CPNE3: variants seen among roughly 807,000 people sequenced by gnomAD.
The protein encoded by CPNE3 is copine-3.
CPNE3 carries 68 observed loss-of-function variants against 63.9 expected under a neutral mutation model. The observed-to-expected ratio is 1.06, with a 90% confidence interval of 0.87 to 1.30. CPNE3 has a LOEUF of 1.30. Among genes scored for constraint, CPNE3 ranks in the 50% most tolerant of loss-of-function variants. The probability of loss-of-function intolerance (pLI) is 0.00; values close to 1 mark genes in which losing one functional copy is unlikely to be tolerated. For missense variants in CPNE3, 665 were observed against 578.1 expected (o/e 1.15, Z -1.54); for synonymous variants, 219 against 197.5 (o/e 1.11, Z -0.91).
At position 86,528,576 on chromosome 8, in the gene CPNE3, C is replaced by T. The variant is rs1820591641; in HGVS notation, c.31C>T (p.Leu11=). Residue 11 remains leucine, a synonymous_variant, in exon 3 of 17, where the codon CTG becomes TTG. Transcript: ENST00000517490. MAAQCVTKVA[L]NVSCANLLDK... ...TGCCCAGTGTGTCACAAAGGTGGCG[C>T]TGAATGTTTCCTGTGCCAATCTTTT... The T allele has an allele frequency of 6.2e-7, 1 of 1,614,032 alleles. No homozygotes were observed. The highest frequency in any genetic ancestry group is 8.5e-7 in the Non-Finnish European group (1 of 1,179,982).
intron 7 of CPNE3, among the ~76,000 whole-genome samples, chr8:86,538,293 T>G (rs977314905): frequency 2.6e-5 from 4 of 152,138 alleles, no homozygotes; most frequent in African/African-American, 9.7e-5. Flanking sequence ...AAGAATTGCT[T>G]GAACCCAGGA....
chr8:86,515,248 A>C (rs976561399), intron 1 of CPNE3: 2 of 152,194 alleles, frequency 1.3e-5, no homozygotes, highest in African/African-American at 4.8e-5. Context: ...TTTATGTTGC[A>C]CTTAATGATC....
chr8:86,551,154 C>G (rs1299986568), intron 13 of CPNE3, 29 bp from the exon 14 acceptor site: 1 of 1,613,606 alleles, frequency 6.2e-7, no homozygotes, highest in South Asian at 1.1e-5. Flanking sequence ...CAGCCCAGCC[C>G]TCATCAGTCC....
chr8:86,554,933 A>C lies in CPNE3; in HGVS notation c.1203A>C (p.Ile401=). The change falls in exon 15 of 17, where the codon ATA becomes ATC. Residue 401 remains isoleucine, a synonymous_variant. Transcript: ENST00000517490. ...LYGPTNFSPI[I]NHVARFAAAA... The stretch of plus-strand genomic sequence containing the variant: ...GACCAACTAATTTTTCTCCAATCAT[A>C]AATCACGTGGCCAGGTTTGCTGCTG... 6.2e-7 allele frequency: 1 copy of C among 1,614,162 alleles called. No individual in the cohort carries two copies. The highest frequency in any genetic ancestry group is 1.1e-5 in the South Asian group (1 of 91,088).
In CPNE3 at chr8:86,532,586, T is replaced by G; in HGVS notation, c.459+6T>G. On this transcript the variant is annotated splice_donor_region_variant and intron_variant, in intron 6 of 16. Coordinates refer to ENST00000517490, the MANE Select transcript of CPNE3 (RefSeq NM_003909.5). ...CCAGAAAACTGGATAATAAGGTGGG[T>G]AGACTATGCAGATTTCAAAAAGGTT... The G allele has an allele frequency of 6.2e-7, 1 of 1,607,622 alleles. No individual in the cohort carries two copies. Among genetic ancestry groups the G allele is most frequent in the Non-Finnish European group, 8.5e-7 (1 of 1,177,484 alleles).
At chr8:86,551,146 G>A (rs767150752) in intron 13 of CPNE3, 37 bp from the exon 14 acceptor site, 1 of 1,613,528 alleles carries the variant, frequency 6.2e-7, no homozygotes, top group Non-Finnish European at 8.5e-7. Flanking sequence ...TAGAAAAGCA[G>A]CCCAGCCCTC....
intron 2 of CPNE3, among the ~76,000 whole-genome samples, chr8:86,523,589 GT>G (rs1458379401): frequency 6.6e-6 from 1 of 152,086 alleles, no homozygotes; most frequent in East Asian, 1.9e-4. Flanking sequence ...TGAAGTGTTT[GT>G]TTTGTTTTGT....
At chr8:86,530,003 A>C (rs1820634592) in intron 4 of CPNE3, among the ~76,000 whole-genome samples, 1 of 152,118 alleles carries the variant, frequency 6.6e-6, no homozygotes, top group African/African-American at 2.4e-5. Context: ...TTTGGGGAAA[A>C]AAATCCCAGT....
Position 86,528,998 on chromosome 8 carries a change from A to G in CPNE3, c.186A>G (p.Thr62=). Residue 62 remains threonine, a synonymous_variant, in exon 4 of 17, where the codon ACA becomes ACG. Coordinates refer to ENST00000517490, the MANE Select transcript of CPNE3 (RefSeq NM_003909.5). The stretch of plus-strand genomic sequence containing the variant: ...GCTTGAATCCCCAATTTTCCAAGAC[A>G]TTTATTATTGATTACTACTTTGAAG... The part of the protein sequence containing the change: ...KNCLNPQFSK[T]FIIDYYFEVV... The G allele has an allele frequency of 6.2e-7, 1 of 1,613,816 alleles. No individual in the cohort carries two copies. Among genetic ancestry groups the G allele is most frequent in the South Asian group, 1.1e-5 (1 of 91,084 alleles).
intron 15 of CPNE3, 131 bp from the exon 16 acceptor site, chr8:86,555,971 T>G: frequency 1.5e-6 from 1 of 682,940 alleles, no homozygotes; most frequent in Non-Finnish European, 2.6e-6. Flanking sequence ...CTTAGAATAT[T>G]TTATGTGGTG....
chr8:86,528,228 G>A (rs992538613), intron 2 of CPNE3, among the ~76,000 whole-genome samples: 1 of 152,036 alleles, frequency 6.6e-6, no homozygotes, highest in Non-Finnish European at 1.5e-5. Context: ...GGGATTACAG[G>A]CATGAGTCAC....
intron 2 of CPNE3, among the ~76,000 whole-genome samples, chr8:86,518,506 T>C (rs950681293): frequency 3.3e-5 from 5 of 152,154 alleles, no homozygotes; most frequent in East Asian, 3.9e-4. Context: ...CTGATTTTCA[T>C]TGAGGGTAAA....
In CPNE3 at chr8:86,549,822, G is replaced by A. The variant is rs565360003; in HGVS notation, c.1014-1224G>A. Among the ~76,000 whole-genome samples, 88 of 152,300 alleles carry A rather than the reference G, an allele frequency of 5.8e-4. 2 individuals are homozygous for A. The highest frequency in any genetic ancestry group is 1.1e-3 in the Admixed American group (17 of 15,298). On this transcript the variant is annotated intron_variant, in intron 12 of 16. Coordinates refer to ENST00000517490, the MANE Select transcript of CPNE3 (RefSeq NM_003909.5). ...AAGAAAGGGACCAGGGAGTGAATGT[G>A]CATTCCCTTTTAGGGGCATGATTCA...
intron 2 of CPNE3, among the ~76,000 whole-genome samples, chr8:86,527,088 A>G (rs1481851258): frequency 1.3e-5 from 2 of 152,206 alleles, no homozygotes; most frequent in Non-Finnish European, 2.9e-5. Context: ...CCATATTTAA[A>G]TATAACAAGA....
chr8:86,546,781 G>A (rs533891193), intron 10 of CPNE3, 100 bp downstream of exon 10: 48 of 1,262,058 alleles, frequency 3.8e-5, no homozygotes, highest in South Asian at 7.8e-5. Context: ...GTGTGATCTC[G>A]GCTCACTGCA....
chr8:86,516,279 G>T lies in CPNE3; in HGVS notation c.-11+780G>T, dbSNP rs138330087. ...CCTGAAGAATAGGAAGGGAGAGGAG[G>T]CTCCAGGACGGGAGAAACAGAAGGA... On this transcript the variant is annotated intron_variant, in intron 2 of 16. Coordinates refer to ENST00000517490, the MANE Select transcript of CPNE3 (RefSeq NM_003909.5). Among the ~76,000 whole-genome samples, 40 of 152,286 alleles carry T rather than the reference G, an allele frequency of 2.6e-4. No individual in the cohort carries two copies. The East Asian group carries it at 7.5e-3, about 29-fold the overall frequency.
At position 86,551,080 on chromosome 8, in the gene CPNE3, C is replaced by G. The variant is rs778473378; in HGVS notation, c.1048C>G (p.Gln350Glu). The change falls in exon 13 of 17, where the codon CAG (glutamine) becomes GAG (glutamate). Residue 350 changes from glutamine (Q) to glutamate (E), a missense_variant. Physicochemically the swap from Gln to Glu is conservative, Grantham distance 29. Coordinates refer to ENST00000517490, the MANE Select transcript of CPNE3 (RefSeq NM_003909.5). ...KMFPAFGFGA[Q>E]IPPQWQVSHE... is the part of the protein sequence containing the mutation. ...GTTTCCAGCTTTTGGTTTTGGCGCT[C>G]AGATACCTCCTCAGTGGCAGGTAAG... The G allele has an allele frequency of 6.2e-7, 1 of 1,611,196 alleles. No homozygotes were observed. Among genetic ancestry groups the G allele is most frequent in the South Asian group, 1.1e-5 (1 of 90,308 alleles).
At chr8:86,519,673 C>T (rs1031753794) in intron 2 of CPNE3, among the ~76,000 whole-genome samples, 2 of 152,166 alleles carry the variant, frequency 1.3e-5, no homozygotes, top group African/African-American at 4.8e-5. Flanking sequence ...AGGTACCTAA[C>T]TAGTGGAGAA....
intron 7 of CPNE3, among the ~76,000 whole-genome samples, chr8:86,538,377 A>G (rs560752540): frequency 6.6e-6 from 1 of 152,274 alleles, no homozygotes; most frequent in South Asian, 2.1e-4. Context: ...TCCACCTCAA[A>G]ATAAATAAAT....
Sources: allele counts gnomAD v4.1 joint callset (sites outside exome capture counted in the v4.1 genomes callset), GRCh38; gene constraint gnomAD v4.1.1; transcripts MANE v1.5; gene names NCBI Gene and HGNC (gene_info 2026-07-23, HGNC 2026-07-21).